DENND1A: variants seen among roughly 807,000 people sequenced by gnomAD.
DENND1A encodes the protein DENN domain-containing protein 1A.
A neutral mutation model predicts 113.7 loss-of-function variants in DENND1A; 51 were observed. That is an observed-to-expected ratio of 0.45 (90% confidence interval 0.36 to 0.57). The LOEUF is 0.57. Among genes scored for constraint, DENND1A ranks in the 20% least tolerant of loss-of-function variants. The probability of loss-of-function intolerance (pLI) is 0.00; values close to 1 mark genes in which losing one functional copy is unlikely to be tolerated. For synonymous variants in DENND1A, 565 were observed against 570.8 expected, an observed-to-expected ratio of 0.99 and a Z score of 0.14; for missense variants, 1,258 against 1,395.9, an observed-to-expected ratio of 0.90 and a Z score of 1.57.
intron 13 of DENND1A, among the ~76,000 whole-genome samples, chr9:123,496,044 C>T (rs903253349): frequency 6.6e-5 from 10 of 152,238 alleles, no homozygotes; most frequent in Admixed American, 6.5e-5. Flanking sequence ...CAGAGCATTA[C>T]GATCAAGCAC....
intron 1 of DENND1A, among the ~76,000 whole-genome samples, chr9:123,927,016 G>A (rs1257482622): frequency 1.3e-5 from 2 of 152,132 alleles, no homozygotes; most frequent in African/African-American, 4.8e-5. Context: ...GCGTCTGGGG[G>A]ATGGCATCTG....
At chr9:123,668,223 C>A (rs2063586090) in intron 7 of DENND1A, among the ~76,000 whole-genome samples, 2 of 152,058 alleles carry the variant, frequency 1.3e-5, no homozygotes, top group South Asian at 4.1e-4. Context: ...ATCTGGACCC[C>A]CAAGTGACAT....
intron 2 of DENND1A, among the ~76,000 whole-genome samples, chr9:123,802,364 C>A (rs1834817286): frequency 6.6e-6 from 1 of 152,118 alleles, no homozygotes; most frequent in South Asian, 2.1e-4. Flanking sequence ...CTCTGGTCAC[C>A]AGACCATGCC....
At chr9:123,546,739 C>T (rs962381997) in intron 13 of DENND1A, among the ~76,000 whole-genome samples, 1 of 152,056 alleles carries the variant, frequency 6.6e-6, no homozygotes, top group African/African-American at 2.4e-5. Context: ...AAACATGGCC[C>T]CATGCTTTAA....
intron 11 of DENND1A, among the ~76,000 whole-genome samples, chr9:123,604,917 T>A (rs2060086389): frequency 6.6e-6 from 1 of 152,228 alleles, no homozygotes. Flanking sequence ...CTGACCTTTG[T>A]TGAGCTCTTT....
At chr9:123,728,532 C>G (rs1457718278) in intron 5 of DENND1A, among the ~76,000 whole-genome samples, 1 of 133,800 alleles carries the variant, frequency 7.5e-6, no homozygotes, top group Non-Finnish European at 1.6e-5. Flanking sequence ...CATCTTTACC[C>G]AAGTCATTTT....
intron 13 of DENND1A, among the ~76,000 whole-genome samples, chr9:123,480,282 T>A (rs2050229133): frequency 6.6e-6 from 1 of 152,072 alleles, no homozygotes; most frequent in Non-Finnish European, 1.5e-5. Flanking sequence ...GGCACCACTC[T>A]GGACATGTGC....
intron 13 of DENND1A, among the ~76,000 whole-genome samples, chr9:123,463,280 C>T (rs1260846480): frequency 6.6e-6 from 1 of 152,160 alleles, no homozygotes; most frequent in Non-Finnish European, 1.5e-5. Flanking sequence ...AAGTTTTACT[C>T]CTGGATTATC....
At position 123,883,017 on chromosome 9, in the gene DENND1A, A is replaced by T. The variant is rs184501538; in HGVS notation, c.18-3996T>A. On this transcript the variant is annotated intron_variant, in intron 1 of 23. Transcript: ENST00000394215. ...TCCCCTTGCCCACTGAACTCCAGCCACAATGACCTTCTTTCTGCTCCTCAA... is the reference window on the plus strand; with the variant it reads ...TCCCCTTGCCCACTGAACTCCAGCCTCAATGACCTTCTTTCTGCTCCTCAA... Among the ~76,000 whole-genome samples the T allele has an allele frequency of 4.1e-3, 624 of 152,302 alleles. 4 individuals are homozygous for T. Among genetic ancestry groups the T allele is most frequent in the Non-Finnish European group, 7.2e-3 (492 of 68,012 alleles).
At chr9:123,911,871 T>G (rs1269771716) in intron 1 of DENND1A, among the ~76,000 whole-genome samples, 1 of 151,964 alleles carries the variant, frequency 6.6e-6, no homozygotes, top group Non-Finnish European at 1.5e-5. Context: ...TTTTTTGTAT[T>G]TTTAGTAGAG....
At chr9:123,632,599 C>T (rs376666055) in intron 9 of DENND1A, among the ~76,000 whole-genome samples, 4 of 152,166 alleles carry the variant, frequency 2.6e-5, no homozygotes, top group East Asian at 3.9e-4. Flanking sequence ...GTGCAGGTTC[C>T]GGCCCATCAC....
intron 19 of DENND1A, among the ~76,000 whole-genome samples, chr9:123,428,982 T>G (rs1331832053): frequency 6.6e-6 from 1 of 152,180 alleles, no homozygotes; most frequent in Non-Finnish European, 1.5e-5. Flanking sequence ...ACTTTATAGA[T>G]TCAATGCTAA....
At chr9:123,815,249 A>C (rs1315554978) in intron 2 of DENND1A, among the ~76,000 whole-genome samples, 1 of 152,250 alleles carries the variant, frequency 6.6e-6, no homozygotes, top group Non-Finnish European at 1.5e-5. Context: ...AATTTATACA[A>C]TCTAAGCACT....
chr9:123,611,067 G>C (rs964008267), intron 10 of DENND1A, among the ~76,000 whole-genome samples: 1 of 152,160 alleles, frequency 6.6e-6, no homozygotes, highest in Non-Finnish European at 1.5e-5. Flanking sequence ...AAACAGACTT[G>C]AATATTAGCA....
intron 11 of DENND1A, among the ~76,000 whole-genome samples, chr9:123,597,448 G>C (rs569455422): frequency 6.6e-6 from 1 of 152,126 alleles, no homozygotes; most frequent in African/African-American, 2.4e-5. Context: ...TCCTACCCAC[G>C]AGCCTAGGAG....
At chr9:123,897,352 G>C (rs1191333193) in intron 1 of DENND1A, among the ~76,000 whole-genome samples, 1 of 152,188 alleles carries the variant, frequency 6.6e-6, no homozygotes, top group Non-Finnish European at 1.5e-5. Flanking sequence ...AGAGAAGCTG[G>C]CTAGTTCAGG....
At chr9:123,562,381 G>A (rs2057809604) in intron 12 of DENND1A, among the ~76,000 whole-genome samples, 1 of 151,968 alleles carries the variant, frequency 6.6e-6, no homozygotes, top group South Asian at 2.1e-4. Context: ...CATCAATGGG[G>A]GCCTCTGAAA....
Position 123,667,089 on chromosome 9 carries a change from A to G in DENND1A, c.454-10T>C. The G allele has an allele frequency of 1.3e-6, 2 of 1,596,792 alleles. No homozygotes were observed. Among genetic ancestry groups the G allele is most frequent in the Non-Finnish European group, 1.7e-6 (2 of 1,174,526 alleles). On this transcript the variant is annotated splice_polypyrimidine_tract_variant and intron_variant, in intron 7 of 23. Coordinates refer to ENST00000394215, the MANE Select transcript of DENND1A (RefSeq NM_001352964.2). ...CAGTAAAATAAGAATGCTAGAAAAG[A>G]AAAGCAAAAGTGATTTATTTCTGCT...
At chr9:123,815,082 G>C (rs1384612169) in intron 2 of DENND1A, among the ~76,000 whole-genome samples, 1 of 152,170 alleles carries the variant, frequency 6.6e-6, no homozygotes, top group African/African-American at 2.4e-5. Flanking sequence ...AGAAAAGAAA[G>C]CGATGTGGTT....
Sources: gnomAD v4.1 joint callset for allele counts (sites outside exome capture counted in the v4.1 genomes callset) on GRCh38, gnomAD v4.1.1 for gene constraint, MANE v1.5 for transcripts, NCBI Gene and HGNC (gene_info 2026-07-23, HGNC 2026-07-21) for gene names.